The following DLL4 variants were observed in gnomAD, a reference collection of about 807,000 sequenced individuals.
The protein encoded by DLL4 is delta-like protein 4.
Under a neutral mutation model 73.6 loss-of-function variants are expected in DLL4, and 7 were observed. The observed-to-expected ratio is 0.10, with a 90% CI of 0.05 to 0.18. The LOEUF is 0.18. Ranked by LOEUF, DLL4 falls within the 10% of genes least tolerant of loss-of-function variation. The probability of loss-of-function intolerance (pLI) is 1.00; values close to 1 mark genes in which losing one functional copy is unlikely to be tolerated. For missense variants in DLL4, 614 were observed against 929.9 expected (o/e 0.66, Z 4.42); for synonymous variants, 345 against 374.3 (o/e 0.92, Z 0.90).
At position 40,932,152 on chromosome 15, in the gene DLL4, C is replaced by T; in HGVS notation, c.659-19C>T. The T allele has an allele frequency of 6.2e-7, 1 of 1,614,014 alleles. No homozygotes were observed. The highest frequency in any genetic ancestry group is 1.1e-5 in the South Asian group (1 of 91,090). ...TCCTTGGTATCCCAGCCTCACCCAG[C>T]TCTGTGTTCTTCCCTTAGCTATCTG... On this transcript the variant is annotated intron_variant, in intron 4 of 10. Transcript: ENST00000249749.
rs1892761941 is a variant in DLL4, at chr15:40,930,986, C to A, written c.394+304C>A. The A allele has an allele frequency of 1.2e-5, 6 of 515,660 alleles. No homozygotes were observed. In the East Asian group the frequency reaches 1.7e-4, roughly 14 times the overall value. 31.9% of individuals were successfully genotyped at this position (515,660 alleles called of 1,614,324 possible). ...TTTACACCTTTCGCGAATTCCGCTC[C>A]TTTGGAAAGGGAATAATGGCTTTGG... On this transcript the variant is annotated intron_variant, in intron 3 of 10. Transcript: ENST00000249749. This position sits in a 1 kb window ranked among gnomAD's most constrained non-coding sequence, Gnocchi z 5.7.
intron 8 of DLL4, among the ~76,000 whole-genome samples, chr15:40,935,733 A>G (rs1892833713): frequency 6.6e-6 from 1 of 152,218 alleles, no homozygotes; most frequent in Non-Finnish European, 1.5e-5. Flanking sequence ...ATGGGAAACT[A>G]TAATACCTGT....
Position 40,937,485 on chromosome 15 carries a change from T to C in DLL4, c.2011T>C (p.Leu671=), listed in dbSNP as rs372339331. 1 of 1,613,794 alleles carries C rather than the reference T, an allele frequency of 6.2e-7. No homozygotes were observed. Among genetic ancestry groups the C allele is most frequent in the African/African-American group, 1.3e-5 (1 of 75,064 alleles). The part of the protein sequence containing the change: ...PRDSMYQSVC[L]ISEERNECVI... ...GGACTCCATGTACCAGTCTGTGTGT[T>C]TGATATCAGAGGAGAGGAATGAATG... Residue 671 remains leucine (L), a synonymous_variant, in exon 10 of 11, where the codon TTG becomes CTG. Coordinates refer to ENST00000249749, the MANE Select transcript of DLL4 (RefSeq NM_019074.4).
Position 40,938,342 on chromosome 15 carries a change from C to A in DLL4, c.*308C>A. 1 of 294,892 alleles carries A rather than the reference C, an allele frequency of 3.4e-6. No homozygotes were observed. The highest frequency in any genetic ancestry group is 6.2e-6 in the Non-Finnish European group (1 of 160,158). 18.3% of individuals were successfully genotyped at this position (294,892 alleles called of 1,614,324 possible). A position where few individuals can be genotyped will look rare whatever the true frequency, so the allele number is the denominator to read the frequency against. On this transcript the variant is annotated 3_prime_UTR_variant, in exon 11 of 11. Coordinates refer to ENST00000249749, the MANE Select transcript of DLL4 (RefSeq NM_019074.4). ...AGGGGGCTCCTTCCGGGGCTCCGGC[C>A]TGTTTTCCAGAGAGAGTGGCAGTAG...
At position 40,931,705 on chromosome 15, in the gene DLL4, G is replaced by T. The variant is rs1892773395; in HGVS notation, c.597G>T (p.Val199=). ...GCAATGACCACTTCGGCCACTATGTGTGCCAGCCAGATGGCAACTTGTCCT... is the reference window on the plus strand; with the variant it reads ...GCAATGACCACTTCGGCCACTATGTTTGCCAGCCAGATGGCAACTTGTCCT... ...KKRNDHFGHY[V]CQPDGNLSCL... Residue 199 remains valine, a synonymous_variant, in exon 4 of 11, where the codon GTG becomes GTT. Coordinates refer to ENST00000249749, the MANE Select transcript of DLL4 (RefSeq NM_019074.4). The T allele has an allele frequency of 1.9e-6, 3 of 1,613,874 alleles. No homozygotes were observed. In the South Asian group the frequency reaches 3.3e-5, roughly 18 times the overall value.
intron 10 of DLL4, 36 bp from the exon 11 acceptor site, chr15:40,937,993 G>A (rs1256436235): frequency 6.2e-7 from 1 of 1,602,214 alleles, no homozygotes; most frequent in Admixed American, 1.7e-5. Context: ...CGCATGCCCA[G>A]GGTAACCTGT....
rs1288219513 is a variant in DLL4 at position 40,930,555 on chromosome 15, C to A, written c.337-70C>A. The A allele has an allele frequency of 2.3e-6, 3 of 1,305,382 alleles. No homozygotes were observed. The highest frequency in any genetic ancestry group is 1.2e-5 in the South Asian group (1 of 82,034). 80.9% of individuals were successfully genotyped at this position (1,305,382 alleles called of 1,614,324 possible). A position where few individuals can be genotyped will look rare whatever the true frequency, so the allele number is the denominator to read the frequency against. On this transcript the variant is annotated intron_variant, in intron 2 of 10. Coordinates refer to ENST00000249749, the MANE Select transcript of DLL4 (RefSeq NM_019074.4). This position sits in a 1 kb window ranked among gnomAD's most constrained non-coding sequence, Gnocchi z 5.7. ...CAATTAGATTAATTAAACAGGCTGC[C>A]GCAAGGCACCCCCACCTCTCCCCGC...
At chr15:40,933,189 A>G (rs28400366) in intron 6 of DLL4, among the ~76,000 whole-genome samples, 2,392 of 152,274 alleles carry the variant, frequency 0.016, 50 homozygotes, top group African/African-American at 0.046. Context: ...TAGGGTGGGC[A>G]GAGAGCTTGC....
At chr15:40,933,325 C>T (rs1892796513) in intron 6 of DLL4, among the ~76,000 whole-genome samples, 1 of 151,938 alleles carries the variant, frequency 6.6e-6, no homozygotes, top group East Asian at 1.9e-4. Context: ...CATCCCCACC[C>T]CAACACTCAC....
chr15:40,931,282 T>C (rs774795877), intron 3 of DLL4: 6 of 592,558 alleles, frequency 1.0e-5, no homozygotes, highest in African/African-American at 3.7e-5. Context: ...CCTTTTTGAA[T>C]ACTATCAGGC....
Position 40,930,464 on chromosome 15 carries a change from C to T in DLL4, c.337-161C>T, listed in dbSNP as rs1892750235. The T allele has an allele frequency of 8.6e-6, 6 of 695,708 alleles. No homozygotes were observed. The East Asian group carries it at 1.6e-4, about 19-fold the overall frequency. 43.1% of individuals were successfully genotyped at this position (695,708 alleles called of 1,614,324 possible). ...CTACCGGGGGTTCTCCTCTCGCCTT[C>T]CCTGCTCAAGCGCTACACTGTGCAC... is the stretch of plus-strand genomic sequence containing the variant. On this transcript the variant is annotated intron_variant, in intron 2 of 10. Coordinates refer to ENST00000249749, the MANE Select transcript of DLL4 (RefSeq NM_019074.4). The surrounding 1 kb of genome is among the most constrained non-coding windows in gnomAD (Gnocchi z 5.7).
intron 9 of DLL4, 100 bp from the exon 10 acceptor site, chr15:40,937,318 C>G: frequency 1.2e-6 from 1 of 863,178 alleles, no homozygotes; most frequent in Non-Finnish European, 2.0e-6. Context: ...GTGTCTTCCC[C>G]AAGAACCACC....
At position 40,936,593 on chromosome 15, in the gene DLL4, G is replaced by A; in HGVS notation, c.1606G>A (p.Val536Met). ...SFPWVAVSLG[V>M]GLAVLLVLLG... ...CCCCTGGGTGGCCGTCTCGCTGGGTGTGGGGCTGGCAGTGCTGCTGGTACT... is the reference window on the plus strand; with the variant it reads ...CCCCTGGGTGGCCGTCTCGCTGGGTATGGGGCTGGCAGTGCTGCTGGTACT... Residue 536 changes from valine to methionine, a missense_variant, in exon 9 of 11, where the codon GTG becomes ATG. Coordinates refer to ENST00000249749, the MANE Select transcript of DLL4 (RefSeq NM_019074.4). 3 of 1,609,812 alleles carry A rather than the reference G, an allele frequency of 1.9e-6. No individual in the cohort carries two copies. Among genetic ancestry groups the A allele is most frequent in the Non-Finnish European group, 2.5e-6 (3 of 1,178,700 alleles).
In DLL4 at chr15:40,929,763, C is replaced by G; in HGVS notation, c.66+29C>G. The G allele has an allele frequency of 1.2e-6, 2 of 1,600,654 alleles. No homozygotes were observed. The highest frequency in any genetic ancestry group is 1.7e-6 in the Non-Finnish European group (2 of 1,176,730). On this transcript the variant is annotated intron_variant, in intron 1 of 10. Transcript: ENST00000249749. This position sits in a 1 kb window ranked among gnomAD's most constrained non-coding sequence, Gnocchi z 7.1. ...ACACGTCCCGCGCCCTCTCCGTCCC[C>G]TCTGCCGCGCTCTGGGCCTCAGCCC...
chr15:40,930,577 C>T lies in DLL4; in HGVS notation c.337-48C>T, dbSNP rs1309302882. 9 of 1,555,920 alleles carry T rather than the reference C, an allele frequency of 5.8e-6. No homozygotes were observed. In the Admixed American group the frequency reaches 1.5e-4, roughly 26 times the overall value. On this transcript the variant is annotated intron_variant, in intron 2 of 10. Transcript: ENST00000249749. The surrounding 1 kb of genome is among the most constrained non-coding windows in gnomAD (Gnocchi z 5.7). ...TGCCGCAAGGCACCCCCACCTCTCC[C>T]CGCTTGCTCATCTCGCCATCTCTCC...
rs745388226 is a variant in DLL4 at position 40,934,564 on chromosome 15, C to T, written c.867C>T (p.Thr289=). The T allele has an allele frequency of 1.1e-5, 18 of 1,613,614 alleles. No individual in the cohort carries two copies. The highest frequency in any genetic ancestry group is 1.7e-5 in the Admixed American group (1 of 59,982). ...TTTCTGCAGATCTCAACTACTGCAC[C>T]CACCACTCCCCATGCAAGAATGGGG... ...LFCDQDLNYC[T]HHSPCKNGAT... is the part of the protein sequence containing the mutation. Residue 289 remains threonine, a synonymous_variant, in exon 7 of 11, where the codon ACC becomes ACT. Coordinates refer to ENST00000249749, the MANE Select transcript of DLL4 (RefSeq NM_019074.4).
Position 40,931,493 on chromosome 15 carries a change from G to A in DLL4, c.395-10G>A. ...CGACCCTTCCCTGACCCGACCCTCT[G>A]CCCCCTCAGAGGCCTTGCCACCAGA... is the stretch of plus-strand genomic sequence containing the variant. On this transcript the variant is annotated splice_polypyrimidine_tract_variant and intron_variant, in intron 3 of 10. Transcript: ENST00000249749. The A allele has an allele frequency of 6.2e-7, 1 of 1,604,954 alleles. No individual in the cohort carries two copies. Among genetic ancestry groups the A allele is most frequent in the Non-Finnish European group, 8.5e-7 (1 of 1,176,364 alleles).
At chr15:40,937,100 T>C (rs778652203) in intron 9 of DLL4, among the ~76,000 whole-genome samples, 170 bp downstream of exon 9, 1 of 152,234 alleles carries the variant, frequency 6.6e-6, no homozygotes, top group Non-Finnish European at 1.5e-5. Context: ...CTCCCATTCA[T>C]TCATTTGTTC....
At position 40,930,736 on chromosome 15, in the gene DLL4, A is replaced by T. The variant is rs1892757346; in HGVS notation, c.394+54A>T. The T allele has an allele frequency of 1.3e-6, 2 of 1,554,156 alleles. No homozygotes were observed. The highest frequency in any genetic ancestry group is 1.8e-6 in the Non-Finnish European group (2 of 1,128,558). On this transcript the variant is annotated intron_variant, in intron 3 of 10. Transcript: ENST00000249749. The surrounding 1 kb of genome is among the most constrained non-coding windows in gnomAD (Gnocchi z 5.7). The stretch of plus-strand genomic sequence containing the variant: ...GGGCGACACGGCGCAGCGCCGAAAG[A>T]GTTAATCTGTTCTAGGCGGGGGAAG...
Sources: allele counts gnomAD v4.1 joint callset (sites outside exome capture counted in the v4.1 genomes callset), GRCh38; gene constraint gnomAD v4.1.1; non-coding constraint Gnocchi (gnomAD v3.1); transcripts MANE v1.5; gene names NCBI Gene and HGNC (gene_info 2026-07-23, HGNC 2026-07-21).